LUC7L2: variants seen among roughly 807,000 people sequenced by gnomAD.
LUC7L2 encodes putative RNA-binding protein Luc7-like 2.
In LUC7L2, 25 loss-of-function variants were observed where a neutral mutation model predicts 52.8. That is an observed-to-expected ratio of 0.47 (90% CI 0.34 to 0.66). The LOEUF is 0.66. Ranked by LOEUF, LUC7L2 falls within the 30% of genes least tolerant of loss-of-function variation. The probability of loss-of-function intolerance (pLI) is 0.01; values close to 1 mark genes in which losing one functional copy is unlikely to be tolerated. For synonymous variants in LUC7L2, 144 were observed against 160.9 expected (o/e 0.89, Z 0.80); for missense variants, 328 against 497.8 (o/e 0.66, Z 3.25).
At chr7:139,370,655 A>T (rs1449921242) in intron 1 of LUC7L2, among the ~76,000 whole-genome samples, 1 of 152,174 alleles carries the variant, frequency 6.6e-6, no homozygotes. Flanking sequence ...GGGTTTCACC[A>T]TGTTAGCCAG....
intron 1 of LUC7L2, among the ~76,000 whole-genome samples, chr7:139,374,206 A>C (rs1265808048): frequency 6.6e-6 from 1 of 152,214 alleles, no homozygotes; most frequent in East Asian, 1.9e-4. Context: ...ACCTGTAGTC[A>C]GTCATACAAT....
intron 2 of LUC7L2, among the ~76,000 whole-genome samples, chr7:139,387,527 T>C (rs1455656145): frequency 1.3e-5 from 2 of 152,146 alleles, no homozygotes; most frequent in African/African-American, 4.8e-5. Context: ...AGCTCTTGTT[T>C]CCTGATGGAA....
chr7:139,383,260 CA>C (rs1323514826), intron 2 of LUC7L2, among the ~76,000 whole-genome samples: 3 of 151,566 alleles, frequency 2.0e-5, no homozygotes, highest in Admixed American at 2.0e-4. Flanking sequence ...GGATTACAGG[CA>C]TGCGCCACCA....
chr7:139,363,140 A>G (rs573403393), intron 1 of LUC7L2: 1 of 888,686 alleles, frequency 1.1e-6, no homozygotes, highest in Non-Finnish European at 1.3e-6. Context: ...TGGGAGGGCC[A>G]AAGACAAACT....
upstream of LUC7L2, among the ~76,000 whole-genome samples, chr7:139,358,527 TAC>T (rs1368462169): frequency 3.3e-5 from 5 of 152,242 alleles, no homozygotes; most frequent in African/African-American, 9.6e-5. Flanking sequence ...GCGATGAATA[TAC>T]AGTGTTAATG....
chr7:139,383,532 C>CTCG (rs1794048550), intron 2 of LUC7L2, among the ~76,000 whole-genome samples: 1 of 151,952 alleles, frequency 6.6e-6, no homozygotes, highest in Non-Finnish European at 1.5e-5. Context: ...CTGCCTCAGC[C>CTCG]TCCCGAGTAG....
intron 2 of LUC7L2, among the ~76,000 whole-genome samples, chr7:139,393,119 T>C (rs1007639475): frequency 1.3e-5 from 2 of 151,580 alleles, no homozygotes; most frequent in African/African-American, 4.8e-5. Context: ...ATACAAAAAT[T>C]AGCCAGGTGT....
intron 2 of LUC7L2, 118 bp downstream of exon 2, chr7:139,376,274 ATTGT>A: frequency 9.8e-7 from 1 of 1,018,330 alleles, no homozygotes; most frequent in Non-Finnish European, 1.4e-6. Context: ...TGCATCCTTT[ATTGT>A]TTGTTTATTC....
rs950590998 is a variant in LUC7L2 at position 139,411,624 on chromosome 7, C to CAA, written c.780-919_780-918dup. On this transcript the variant is annotated intron_variant, in intron 7 of 9. Transcript: ENST00000354926. ...GCTTTCAACAATGCTATATATCATC[C>CAA]AAAAAAAAATAATAATCCCTGTGGT... 2.2e-4 allele frequency among the ~76,000 whole-genome samples: 33 copies of CAA among 150,426 alleles called. 1 individual carries two copies. Among genetic ancestry groups the CAA allele is most frequent in the African/African-American group, 7.8e-4 (32 of 41,184 alleles).
intron 1 of LUC7L2, among the ~76,000 whole-genome samples, chr7:139,347,908 C>G (rs1799321707): frequency 6.6e-6 from 1 of 152,080 alleles, no homozygotes; most frequent in Admixed American, 6.6e-5. Flanking sequence ...ACCATGTTGG[C>G]CAGGCTGGTC....
intron 2 of LUC7L2, among the ~76,000 whole-genome samples, chr7:139,385,311 CTTTTT>C (rs58744665): frequency 1.7e-5 from 2 of 118,562 alleles, no homozygotes; most frequent in African/African-American, 2.8e-5. Context: ...GTTAGGATTA[CTTTTT>C]TTTTTTTTTT....
intron 7 of LUC7L2, among the ~76,000 whole-genome samples, chr7:139,412,288 A>G (rs1423772311): frequency 6.6e-6 from 1 of 152,004 alleles, no homozygotes; most frequent in African/African-American, 2.4e-5. Context: ...GTTTCGGAGA[A>G]GGAGTACTCA....
At chr7:139,345,113 T>C (rs1469314162) in intron 1 of LUC7L2, 1 of 168,528 alleles carries the variant, frequency 5.9e-6, no homozygotes, top group East Asian at 1.7e-4. Context: ...AGGGAGAAAG[T>C]TCTACATAAT....
At chr7:139,413,589 C>A (rs1795462798) in intron 8 of LUC7L2, among the ~76,000 whole-genome samples, 1 of 152,142 alleles carries the variant, frequency 6.6e-6, no homozygotes. Flanking sequence ...ACCAGCCTGG[C>A]CAACATGGCG....
intron 8 of LUC7L2, among the ~76,000 whole-genome samples, chr7:139,415,147 A>G (rs1795538541): frequency 6.7e-6 from 1 of 148,756 alleles, no homozygotes; most frequent in South Asian, 2.1e-4. Flanking sequence ...CCTGACCTCA[A>G]GTGATCCGCC....
At position 139,341,333 on chromosome 7, in the gene LUC7L2, T is replaced by C. The variant is rs114009688; in HGVS notation, c.-26+816T>C. Reference sequence around the variant, plus strand: ...TAGGCGCCTGGGCCGGAGGAGGGGTTTTCAGGGTCGTAGGACGCCGTTGGG... The same window carrying C: ...TAGGCGCCTGGGCCGGAGGAGGGGTCTTCAGGGTCGTAGGACGCCGTTGGG... On this transcript the variant is annotated intron_variant, in intron 1 of 10. Transcript: ENST00000541170. 1,237 of 1,570,636 alleles carry C rather than the reference T, an allele frequency of 7.9e-4. 9 individuals are homozygous for C. In the African/African-American group the frequency reaches 0.015, roughly 18 times the overall value.
intron 8 of LUC7L2, among the ~76,000 whole-genome samples, chr7:139,415,127 G>C (rs978472498): frequency 3.4e-5 from 5 of 145,234 alleles, no homozygotes; most frequent in African/African-American, 1.3e-4. Context: ...GGCCAGGCTG[G>C]TCTTGAACTC....
chr7:139,345,565 G>T, intron 1 of LUC7L2: 1 of 1,614,052 alleles, frequency 6.2e-7, no homozygotes, highest in East Asian at 2.2e-5. Context: ...ACCTATCTCT[G>T]CCTCCTGCGT....
chr7:139,389,790 T>A (rs1470860866), intron 2 of LUC7L2, among the ~76,000 whole-genome samples: 1 of 152,170 alleles, frequency 6.6e-6, no homozygotes, highest in African/African-American at 2.4e-5. Context: ...AAGACTATGT[T>A]CCTCCCTCAT....
Sources: gnomAD v4.1 joint callset for allele counts (sites outside exome capture counted in the v4.1 genomes callset) on GRCh38, gnomAD v4.1.1 for gene constraint, MANE v1.5 for transcripts, NCBI Gene and HGNC (gene_info 2026-07-23, HGNC 2026-07-21) for gene names.